The following SLCO6A1 variants were observed in gnomAD, a reference collection of about 807,000 sequenced individuals.
The protein encoded by SLCO6A1 is cancer/testis antigen 48.
Under a neutral mutation model 72.7 loss-of-function variants are expected in SLCO6A1, and 65 were observed. The ratio of observed to expected loss-of-function variants is 0.89; its 90% CI spans 0.73 to 1.10. The LOEUF is 1.10. Among genes scored for constraint, SLCO6A1 ranks in the 50% least tolerant of loss-of-function variants. SLCO6A1 has a pLI of 0.00. For synonymous variants in SLCO6A1, 314 were observed against 298.2 expected (o/e 1.05, Z -0.55); for missense variants, 874 against 872.6 (o/e 1.00, Z -0.02).
At chr5:102,449,821 C>A (rs1352919178) in intron 6 of SLCO6A1, among the ~76,000 whole-genome samples, 1 of 152,186 alleles carries the variant, frequency 6.6e-6, no homozygotes, top group Admixed American at 6.5e-5. Context: ...TTAACATAAT[C>A]TCATATTTCT....
intron 4 of SLCO6A1, among the ~76,000 whole-genome samples, chr5:102,460,954 A>ATC: frequency 1.4e-5 from 2 of 140,616 alleles, no homozygotes; most frequent in East Asian, 2.3e-4. Flanking sequence ...ATATATATAT[A>ATC]TCTGCATATG....
At chr5:102,423,504 C>A (rs543524950) in intron 7 of SLCO6A1, among the ~76,000 whole-genome samples, 1 of 151,914 alleles carries the variant, frequency 6.6e-6, no homozygotes, top group Non-Finnish European at 1.5e-5. Context: ...GACTTTAAAC[C>A]AACAAAGATC....
chr5:102,415,545 T>C (rs1314980386), intron 8 of SLCO6A1, among the ~76,000 whole-genome samples: 2 of 152,100 alleles, frequency 1.3e-5, no homozygotes, highest in Non-Finnish European at 2.9e-5. Context: ...TGTCACCATA[T>C]ACAAAAAGCA....
chr5:102,394,484 T>C (rs1377987862), intron 10 of SLCO6A1, among the ~76,000 whole-genome samples: 1 of 151,966 alleles, frequency 6.6e-6, no homozygotes, highest in Non-Finnish European at 1.5e-5. Flanking sequence ...CTATATCATA[T>C]TACATACAAT....
At chr5:102,413,201 A>C in intron 8 of SLCO6A1, 58 bp from the exon 9 acceptor site, 1 of 1,455,706 alleles carries the variant, frequency 6.9e-7, no homozygotes, top group Non-Finnish European at 9.2e-7. Context: ...TATTGATGCA[A>C]ATGTCAAGAT....
chr5:102,381,786 T>C (rs985688436), intron 12 of SLCO6A1, among the ~76,000 whole-genome samples: 66 of 150,698 alleles, frequency 4.4e-4, no homozygotes, highest in African/African-American at 1.5e-3. Context: ...TGATATCTCA[T>C]TGCAATTTTC....
At chr5:102,457,495 GA>G (rs1430916838) in intron 6 of SLCO6A1, among the ~76,000 whole-genome samples, 1 of 152,032 alleles carries the variant, frequency 6.6e-6, no homozygotes, top group African/African-American at 2.4e-5. Flanking sequence ...AAAGACACAT[GA>G]AAAAATGCTC....
chr5:102,397,055 G>T (rs1390343107), intron 10 of SLCO6A1, among the ~76,000 whole-genome samples: 3 of 152,032 alleles, frequency 2.0e-5, no homozygotes, highest in Non-Finnish European at 4.4e-5. Flanking sequence ...TTTCAGAGAG[G>T]ATCTAGTTCT....
chr5:102,383,998 CTTT>C (rs1042550263), intron 12 of SLCO6A1, among the ~76,000 whole-genome samples: 2 of 151,616 alleles, frequency 1.3e-5, no homozygotes, highest in African/African-American at 2.4e-5. Context: ...TCTCATGATC[CTTT>C]TTATTTCTGT....
intron 10 of SLCO6A1, among the ~76,000 whole-genome samples, chr5:102,397,557 G>A (rs1280777384): frequency 6.6e-6 from 1 of 152,100 alleles, no homozygotes; most frequent in African/African-American, 2.4e-5. Context: ...GGCCATGTCC[G>A]GACCTCCTGG....
At chr5:102,393,696 T>A (rs1746900019) in intron 10 of SLCO6A1, among the ~76,000 whole-genome samples, 2 of 152,160 alleles carry the variant, frequency 1.3e-5, no homozygotes, top group Admixed American at 1.3e-4. Context: ...TGGTCATTTG[T>A]GTTCCTCTTT....
chr5:102,456,052 A>G (rs1750694560), intron 6 of SLCO6A1, among the ~76,000 whole-genome samples: 1 of 152,212 alleles, frequency 6.6e-6, no homozygotes, highest in East Asian at 1.9e-4. Context: ...ACAAAATTCA[A>G]TAACCCTTCA....
chr5:102,372,893 T>C (rs1350045669), intron 13 of SLCO6A1, among the ~76,000 whole-genome samples: 1 of 151,828 alleles, frequency 6.6e-6, no homozygotes, highest in Non-Finnish European at 1.5e-5. Flanking sequence ...TTTTGGAAAA[T>C]AAATATAACT....
At chr5:102,451,173 G>A (rs1297784673) in intron 6 of SLCO6A1, among the ~76,000 whole-genome samples, 1 of 152,200 alleles carries the variant, frequency 6.6e-6, no homozygotes, top group African/African-American at 2.4e-5. Context: ...TAGTCCTTAA[G>A]CTCATTGCTC....
chr5:102,391,597 G>A (rs1431690981), intron 10 of SLCO6A1, among the ~76,000 whole-genome samples: 1 of 151,876 alleles, frequency 6.6e-6, no homozygotes, highest in African/African-American at 2.4e-5. Flanking sequence ...AGTGTTCCAT[G>A]GGTGAAGGAG....
intron 4 of SLCO6A1, among the ~76,000 whole-genome samples, chr5:102,475,127 T>C (rs1301028291): frequency 6.6e-6 from 1 of 152,104 alleles, no homozygotes; most frequent in Non-Finnish European, 1.5e-5. Context: ...CTGTGGGATA[T>C]TTGTACACCT....
chr5:102,403,189 G>A (rs1261445395), intron 9 of SLCO6A1, among the ~76,000 whole-genome samples: 1 of 152,126 alleles, frequency 6.6e-6, no homozygotes, highest in African/African-American at 2.4e-5. Flanking sequence ...CAACAACTGA[G>A]ATATTTGAAT....
At chr5:102,448,912 T>C (rs1750262362) in intron 6 of SLCO6A1, among the ~76,000 whole-genome samples, 1 of 152,164 alleles carries the variant, frequency 6.6e-6, no homozygotes, top group South Asian at 2.1e-4. Flanking sequence ...CCTATCATTG[T>C]GTGGTTAGCT....
intron 6 of SLCO6A1, among the ~76,000 whole-genome samples, chr5:102,454,762 A>AT (rs1341843806): frequency 8.6e-5 from 13 of 151,872 alleles, no homozygotes; most frequent in Admixed American, 5.9e-4. Context: ...TTGTGTCTTA[A>AT]TTTTTAGCAA....
Sources: gnomAD v4.1 joint callset for allele counts (sites outside exome capture counted in the v4.1 genomes callset) on GRCh38, gnomAD v4.1.1 for gene constraint, MANE v1.5 for transcripts, NCBI Gene and HGNC (gene_info 2026-07-23, HGNC 2026-07-21) for gene names.